Variants in CNRIP1 observed in about 807,000 individuals in gnomAD.
CNRIP1 encodes the protein CB1 cannabinoid receptor-interacting protein 1.
In CNRIP1, 10 loss-of-function variants were observed where a neutral mutation model predicts 15.2. That is an observed-to-expected ratio of 0.66 (90% CI 0.41 to 1.12). The LOEUF (loss-of-function observed/expected upper bound fraction) is 1.12, where lower values mean the gene tolerates loss of function less well. Ranked by LOEUF, CNRIP1 falls within the 50% of genes most tolerant of loss-of-function variation. The pLI is 0.00. For synonymous variants in CNRIP1, 91 were observed against 83.2 expected, an observed-to-expected ratio of 1.09 and a Z score of -0.51; for missense variants, 211 against 214.7, an observed-to-expected ratio of 0.98 and a Z score of 0.11.
At chr2:68,288,453 A>G (rs2103878164), downstream of CNRIP1, among the ~76,000 whole-genome samples, 1 of 152,194 alleles carries the variant, frequency 6.6e-6, no homozygotes, top group East Asian at 1.9e-4. Context: ...CACTGTGACC[A>G]GAGACTAGAA....
intron 2 of CNRIP1, among the ~76,000 whole-genome samples, chr2:68,309,294 A>C (rs1451645854): frequency 3.3e-5 from 5 of 152,250 alleles, no homozygotes; most frequent in Non-Finnish European, 7.3e-5. Flanking sequence ...TTCCTCAGAA[A>C]AACATAATAG....
intron 2 of CNRIP1, among the ~76,000 whole-genome samples, chr2:68,305,002 T>A (rs1671757592): frequency 6.6e-6 from 1 of 152,070 alleles, no homozygotes; most frequent in Non-Finnish European, 1.5e-5. Flanking sequence ...CCCACCACTT[T>A]GCGAAGCCGA....
chr2:68,288,067 G>GCCAGCCA (rs1671075373), downstream of CNRIP1, among the ~76,000 whole-genome samples: 1 of 149,758 alleles, frequency 6.7e-6, no homozygotes, highest in African/African-American at 2.5e-5. Flanking sequence ...GCAGCCGGCC[G>GCCAGCCA]GCCAGCCAGC....
chr2:68,315,459 G>C (rs1217774886), intron 2 of CNRIP1, among the ~76,000 whole-genome samples: 1 of 152,090 alleles, frequency 6.6e-6, no homozygotes, highest in African/African-American at 2.4e-5. Flanking sequence ...GAAAACATTA[G>C]ACAATTGTAC....
At chr2:68,295,375 T>C (rs1671312825) in intron 2 of CNRIP1, among the ~76,000 whole-genome samples, 1 of 152,180 alleles carries the variant, frequency 6.6e-6, no homozygotes, top group South Asian at 2.1e-4. Context: ...TAGTGGATGA[T>C]ATACCTAGAG....
intron 2 of CNRIP1, among the ~76,000 whole-genome samples, chr2:68,284,810 C>CAAAA (rs146572383): frequency 2.7e-5 from 2 of 73,782 alleles, no homozygotes; most frequent in South Asian, 4.5e-4. Context: ...GACTCTGTCT[C>CAAAA]AAAAAAAAAA....
intron 2 of CNRIP1, among the ~76,000 whole-genome samples, chr2:68,305,226 A>C (rs1671773549): frequency 7.3e-6 from 1 of 137,772 alleles, no homozygotes; most frequent in African/African-American, 2.8e-5. Flanking sequence ...CCTGGGCAAC[A>C]AGAGTGAAAC....
chr2:68,299,680 G>A (rs1287551473), intron 2 of CNRIP1, among the ~76,000 whole-genome samples: 1 of 152,164 alleles, frequency 6.6e-6, no homozygotes, highest in Admixed American at 6.5e-5. Flanking sequence ...TTGCTGTAAT[G>A]TTCTTACGAG....
chr2:68,303,270 C>T (rs1368321389), intron 2 of CNRIP1, among the ~76,000 whole-genome samples: 2 of 152,168 alleles, frequency 1.3e-5, no homozygotes, highest in Admixed American at 1.3e-4. Flanking sequence ...ACTGCAAATA[C>T]TAAAATTGCC....
chr2:68,291,655 T>G (rs1237771576), downstream of CNRIP1, among the ~76,000 whole-genome samples: 1 of 151,890 alleles, frequency 6.6e-6, no homozygotes, highest in East Asian at 1.9e-4. Context: ...CCAAGGCAGG[T>G]AGATCACGAG....
chr2:68,314,153 T>C (rs1672192339), intron 2 of CNRIP1, among the ~76,000 whole-genome samples: 1 of 152,094 alleles, frequency 6.6e-6, no homozygotes, highest in Non-Finnish European at 1.5e-5. Flanking sequence ...ACCTTATCAT[T>C]GATAATCATG....
chr2:68,290,272 C>T (rs1671135055), downstream of CNRIP1, among the ~76,000 whole-genome samples: 1 of 152,112 alleles, frequency 6.6e-6, no homozygotes, highest in African/African-American at 2.4e-5. Context: ...AAGTGATCTA[C>T]TCGCTTCAGC....
intron 2 of CNRIP1, chr2:68,284,543 G>A: frequency 8.7e-7 from 1 of 1,147,350 alleles, no homozygotes; most frequent in Non-Finnish European, 1.2e-6. Context: ...TAGGTGCAGT[G>A]ACTCACGCCC....
chr2:68,301,235 A>G (rs1671593608), intron 2 of CNRIP1, among the ~76,000 whole-genome samples: 1 of 152,252 alleles, frequency 6.6e-6, no homozygotes, highest in South Asian at 2.1e-4. Context: ...TTCTGAATTC[A>G]TAAGTGGTTC....
At chr2:68,317,332 A>G in intron 1 of CNRIP1, 25 bp from the exon 2 acceptor site, 3 of 1,611,226 alleles carry the variant, frequency 1.9e-6, no homozygotes, top group Non-Finnish European at 2.5e-6. Flanking sequence ...AGTTGACCAC[A>G]TACGGTTGAA....
chr2:68,316,952 C>T, intron 2 of CNRIP1: 1 of 662,500 alleles, frequency 1.5e-6, no homozygotes, highest in South Asian at 1.8e-5. Context: ...GTCTTTTCAG[C>T]ATCTACAGGG....
chr2:68,302,933 GC>G (rs1248706206), intron 2 of CNRIP1, among the ~76,000 whole-genome samples: 2 of 140,764 alleles, frequency 1.4e-5, no homozygotes, highest in Non-Finnish European at 1.5e-5. Context: ...TGCAGGCTCC[GC>G]CCCCCGGGGT....
At chr2:68,307,035 G>A (rs1254823968) in intron 2 of CNRIP1, among the ~76,000 whole-genome samples, 2 of 152,190 alleles carry the variant, frequency 1.3e-5, no homozygotes, top group African/African-American at 4.8e-5. Flanking sequence ...TAAAGTGGCA[G>A]TAATCCTTAC....
chr2:68,299,184 G>A (rs1671505382), intron 2 of CNRIP1, among the ~76,000 whole-genome samples: 1 of 152,094 alleles, frequency 6.6e-6, no homozygotes, highest in Admixed American at 6.5e-5. Context: ...CCTAGCTTAG[G>A]AGCTATTTAT....
Sources: allele counts gnomAD v4.1 joint callset (sites outside exome capture counted in the v4.1 genomes callset), GRCh38; gene constraint gnomAD v4.1.1; transcripts MANE v1.5; gene names NCBI Gene and HGNC (gene_info 2026-07-23, HGNC 2026-07-21).